Variants in NXF1 observed in about 807,000 individuals in gnomAD.
NXF1 encodes the protein nuclear RNA export factor 1.
Under a neutral mutation model 92.4 loss-of-function variants are expected in NXF1, and 43 were observed. That is an observed-to-expected ratio of 0.47 (90% CI 0.36 to 0.60). The LOEUF is 0.60. Among genes scored for constraint, NXF1 ranks in the 20% least tolerant of loss-of-function variants. The pLI is 0.00. For synonymous variants in NXF1, 288 were observed against 292.2 expected (o/e 0.99, Z 0.15); for missense variants, 576 against 793.0 (o/e 0.73, Z 3.29).
At chr11:62,796,607 C>T (rs900901231) in intron 13 of NXF1, 40 bp from the exon 14 acceptor site, 2 of 1,395,192 alleles carry the variant, frequency 1.4e-6, no homozygotes, top group Admixed American at 1.7e-5. Context: ...GCTCTGTGGT[C>T]TACAGCCATA....
Position 62,798,528 on chromosome 11 carries a change from T to G in NXF1, c.1053+11A>C. 1 of 1,613,810 alleles carries G rather than the reference T, an allele frequency of 6.2e-7. No homozygotes were observed. Among genetic ancestry groups the G allele is most frequent in the Non-Finnish European group, 8.5e-7 (1 of 1,179,922 alleles). ...GCTGTGCTTGTTAGAATGAAAAAAT[T>G]ATGGACTTACCAGGCGTAGTAACTT... On this transcript the variant is annotated intron_variant, in intron 11 of 20. Coordinates refer to ENST00000294172, the MANE Select transcript of NXF1 (RefSeq NM_006362.5).
Position 62,798,566 on chromosome 11 carries a change from G to A in NXF1, c.1026C>T (p.Arg342=), listed in dbSNP as rs955908855. 7 of 1,613,976 alleles carry A rather than the reference G, an allele frequency of 4.3e-6. No homozygotes were observed. The highest frequency in any genetic ancestry group is 4.0e-5 in the African/African-American group (3 of 74,906). ...GGCGTAGTAACTTGGGAAATCGTTCGCGAATGGCGCTGTCAAGAACGGGAC... is the reference window on the plus strand; with the variant it reads ...GGCGTAGTAACTTGGGAAATCGTTCACGAATGGCGCTGTCAAGAACGGGAC... The part of the protein sequence containing the change: ...RDQSTYISAI[R]ERFPKLLRLD... The change falls in exon 11 of 21, where the codon CGC becomes CGT. Residue 342 remains arginine (R), a synonymous_variant. Transcript: ENST00000294172.
At position 62,803,446 on chromosome 11, in the gene NXF1, C is replaced by T. The variant is rs758564420; in HGVS notation, c.342G>A (p.Gly114=). 1.2e-5 allele frequency: 19 copies of T among 1,613,882 alleles called. No individual in the cohort carries two copies. The Admixed American group carries it at 3.0e-4, about 25-fold the overall frequency. The change falls in exon 3 of 21, where the codon GGG becomes GGA. Residue 114 remains glycine (G), a synonymous_variant. Coordinates refer to ENST00000294172, the MANE Select transcript of NXF1 (RefSeq NM_006362.5). ...TAATCTTGAACCAGTTCTTTGAGGT[C>T]CCATCCTGGCTGGTGCCAGCCCCTC... is the stretch of plus-strand genomic sequence containing the variant. ...ERGGAGTSQD[G]TSKNWFKITI...
chr11:62,801,466 A>C lies in NXF1; in HGVS notation c.710-49T>G, dbSNP rs766308975. The C allele has an allele frequency of 1.9e-6, 3 of 1,609,286 alleles. No homozygotes were observed. In the East Asian group the frequency reaches 6.7e-5, roughly 36 times the overall value. On this transcript the variant is annotated intron_variant, in intron 7 of 20. Transcript: ENST00000294172. ...AAGGGAAGACTGAGAGGGTTTGCCC[A>C]TGCCAGCATTAGCAGTAAAACATCC...
At chr11:62,804,272 T>C in intron 1 of NXF1, 5 of 1,331,554 alleles carry the variant, frequency 3.8e-6, no homozygotes, top group Non-Finnish European at 3.9e-6. Flanking sequence ...TGAACACAAA[T>C]CAGACCTCTG....
chr11:62,800,853 T>G (rs2084470987), intron 9 of NXF1, among the ~76,000 whole-genome samples: 1 of 152,212 alleles, frequency 6.6e-6, no homozygotes, highest in African/African-American at 2.4e-5. Flanking sequence ...CACTGCAGCC[T>G]TGAACTCCTG....
At position 62,796,256 on chromosome 11, in the gene NXF1, TTCCCATATTTTGTTCGTATCACAC is replaced by T; in HGVS notation, c.1345+7_1345+30del. The T allele has an allele frequency of 6.2e-7, 1 of 1,613,812 alleles. No homozygotes were observed. Among genetic ancestry groups the T allele is most frequent in the Non-Finnish European group, 8.5e-7 (1 of 1,179,682 alleles). ...CTGACTGATTCCTTCCCATGCCCTT[TTCCCATATTTTGTTCGTATCACAC>T]ACTTACTAGGGTCTTTAAGCTTCTT... On this transcript the variant is annotated splice_region_variant and intron_variant, in intron 15 of 20. Transcript: ENST00000294172.
At chr11:62,804,311 CT>C in intron 1 of NXF1, 1 of 884,782 alleles carries the variant, frequency 1.1e-6, no homozygotes, top group Non-Finnish European at 1.6e-6. Context: ...CCACTCAGTA[CT>C]TTGTCTATAC....
rs577052659 is a variant in NXF1 at position 62,798,797 on chromosome 11, T to C, written c.1017-222A>G. 14 of 1,362,720 alleles carry C rather than the reference T, an allele frequency of 1.0e-5. No individual in the cohort carries two copies. In the South Asian group the frequency reaches 2.1e-4, roughly 21 times the overall value. The allele number at this position is 1,362,720 out of a possible 1,614,324, so 84.4% of individuals were successfully genotyped here. ...GAAGGCTGTCTCTTTTCTCTCTGCC[T>C]GACCCTGAGTGTCAAGGAGCAGTAC... is the stretch of plus-strand genomic sequence containing the variant. On this transcript the variant is annotated intron_variant, in intron 10 of 20. Transcript: ENST00000294172.
intron 19 of NXF1, among the ~76,000 whole-genome samples, chr11:62,793,104 G>A (rs779773460): frequency 4.1e-5 from 6 of 147,468 alleles, no homozygotes; most frequent in Admixed American, 2.0e-4. Context: ...TTTTGAGACC[G>A]AGTCTTGCTC....
intron 11 of NXF1, among the ~76,000 whole-genome samples, chr11:62,798,169 T>C (rs548332647): frequency 5.3e-5 from 8 of 150,242 alleles, no homozygotes; most frequent in African/African-American, 2.0e-4. Flanking sequence ...GGCTCACGTC[T>C]GTAATCCCAG....
chr11:62,804,193 T>C lies in NXF1; in HGVS notation c.29-215A>G. 3 of 1,517,870 alleles carry C rather than the reference T, an allele frequency of 2.0e-6. No individual in the cohort carries two copies. In the Admixed American group the frequency reaches 6.0e-5, roughly 30 times the overall value. 94.0% of individuals were successfully genotyped at this position (1,517,870 alleles called of 1,614,324 possible). A position where few individuals can be genotyped will look rare whatever the true frequency, so the allele number is the denominator to read the frequency against. Reference sequence around the variant, plus strand: ...TTACTGGAAAACTGTGTAGGGCTTTTGAAAAATGAAGTAGAAACTGGAATT... The same window carrying C: ...TTACTGGAAAACTGTGTAGGGCTTTCGAAAAATGAAGTAGAAACTGGAATT... On this transcript the variant is annotated intron_variant, in intron 1 of 20. Coordinates refer to ENST00000294172, the MANE Select transcript of NXF1 (RefSeq NM_006362.5).
chr11:62,792,253 T>C lies in NXF1; in HGVS notation c.*223A>G. ...CACCTAAGTCCTTCGGGTAGTTTAG[T>C]GTCAGTTCTACAAAGTAAGCTTTGG... On this transcript the variant is annotated 3_prime_UTR_variant, in exon 21 of 21. Transcript: ENST00000294172. The C allele has an allele frequency of 1.4e-6, 1 of 697,010 alleles. No individual in the cohort carries two copies. Among genetic ancestry groups the C allele is most frequent in the Non-Finnish European group, 2.5e-6 (1 of 402,336 alleles). The allele number at this position is 697,010 out of a possible 1,614,324, so 43.2% of individuals were successfully genotyped here. A position where few individuals can be genotyped will look rare whatever the true frequency, so the allele number is the denominator to read the frequency against.
At chr11:62,802,298 G>A (rs1458560044) in intron 3 of NXF1, 38 bp from the exon 4 acceptor site, 1 of 1,564,914 alleles carries the variant, frequency 6.4e-7, no homozygotes, top group Non-Finnish European at 8.8e-7. Flanking sequence ...GGAATGATAA[G>A]TAAGGCTGAA....
chr11:62,804,077 CA>C, intron 1 of NXF1, 99 bp from the exon 2 acceptor site: 1 of 1,596,278 alleles, frequency 6.3e-7, no homozygotes. Flanking sequence ...GGAAGAGATA[CA>C]TACTAACGAC....
At position 62,796,364 on chromosome 11, in the gene NXF1, T is replaced by C. The variant is rs749236587; in HGVS notation, c.1287-19A>G. ...GCTGCTTCTGGGGGAATAAAAGGAA[T>C]GGACGTGGTGTTCAGAGCAGTGCTG... is the stretch of plus-strand genomic sequence containing the variant. On this transcript the variant is annotated intron_variant, in intron 14 of 20. Transcript: ENST00000294172. The C allele has an allele frequency of 1.4e-5, 22 of 1,613,998 alleles. No homozygotes were observed. The highest frequency in any genetic ancestry group is 1.6e-4 in the Middle Eastern group (1 of 6,084).
intron 10 of NXF1, 22 bp downstream of exon 10, chr11:62,800,355 G>T (rs750029862): frequency 6.2e-6 from 10 of 1,613,776 alleles, no homozygotes; most frequent in Non-Finnish European, 6.8e-6. Context: ...CCCCAGGAGG[G>T]GAGACACAGG....
intron 3 of NXF1, among the ~76,000 whole-genome samples, 155 bp downstream of exon 3, chr11:62,803,264 C>A (rs1387599217): frequency 6.6e-6 from 1 of 151,922 alleles, no homozygotes; most frequent in African/African-American, 2.4e-5. Context: ...TGCAGTGAGC[C>A]GAGATCACGC....
chr11:62,798,836 T>C, intron 10 of NXF1: 4 of 1,288,990 alleles, frequency 3.1e-6, no homozygotes, highest in Non-Finnish European at 3.9e-6. Context: ...AAGCCCAGGC[T>C]TTAAGCCCAG....
Sources: allele counts gnomAD v4.1 joint callset (sites outside exome capture counted in the v4.1 genomes callset), GRCh38; gene constraint gnomAD v4.1.1; transcripts MANE v1.5; gene names NCBI Gene and HGNC (gene_info 2026-07-23, HGNC 2026-07-21).